Variants in PIGA observed in about 807,000 individuals in gnomAD.
The protein encoded by PIGA is phosphatidylinositol N-acetylglucosaminyltransferase subunit A.
PIGA carries 3 observed loss-of-function variants against 17.1 expected under a neutral mutation model. That is an observed-to-expected ratio of 0.18 (90% CI 0.08 to 0.45). The LOEUF (loss-of-function observed/expected upper bound fraction) is 0.45, where lower values mean the gene tolerates loss of function less well. PIGA is among the 20% of genes least tolerant of loss of function. PIGA has a pLI of 0.99. For missense variants in PIGA, 231 were observed against 374.1 expected (o/e 0.62, Z 3.16); for synonymous variants, 126 against 135.1 (o/e 0.93, Z 0.47).
chrX:15,320,195 A>T lies in PIGA; in HGVS notation c.*1311T>A, dbSNP rs1921758767. On this transcript the variant is annotated 3_prime_UTR_variant, in exon 6 of 6. Transcript: ENST00000333590. Reference sequence around the variant, plus strand: ...AAATTTTGTGAATGTTGTCATTTTTAAAAATCCTATACAGAATCACAACAC... The same window carrying T: ...AAATTTTGTGAATGTTGTCATTTTTTAAAATCCTATACAGAATCACAACAC... The T allele has an allele frequency of 8.9e-6, 1 of 112,848 alleles. No individual in the cohort carries two copies. The highest frequency in any genetic ancestry group is 1.9e-5 in the Non-Finnish European group (1 of 53,393). 9.3% of individuals were successfully genotyped at this position (112,848 alleles called of 1,213,427 possible).
chrX:15,331,081 T>C, intron 2 of PIGA, 135 bp downstream of exon 2: 1 of 465,022 alleles, frequency 2.2e-6, no homozygotes, highest in East Asian at 3.7e-5. Context: ...ATATTAGAAC[T>C]TTCTTTGCTA....
At chrX:15,334,441 C>T (rs774887892) in intron 1 of PIGA, among the ~76,000 whole-genome samples, 5 of 110,652 alleles carry the variant, frequency 4.5e-5, no homozygotes, top group African/African-American at 1.3e-4. Flanking sequence ...CCACCAGCCT[C>T]GGCCTCCCAA....
intron 2 of PIGA, 35 bp downstream of exon 2, chrX:15,331,181 A>T (rs760051182): frequency 2.9e-6 from 3 of 1,030,007 alleles, no homozygotes; most frequent in East Asian, 6.1e-5. Flanking sequence ...TAGGGAAAAA[A>T]GTCTACAATG....
Position 15,321,061 on chromosome X carries a change from G to A in PIGA, c.*445C>T, listed in dbSNP as rs1921794154. ...GACATGATTTAGATTCCTAATAAAT[G>A]TATATGAACATGATATAAAACAGTT... On this transcript the variant is annotated 3_prime_UTR_variant, in exon 6 of 6. Transcript: ENST00000333590. 8.6e-6 allele frequency: 1 copy of A among 116,861 alleles called. No individual in the cohort carries two copies. Among genetic ancestry groups the A allele is most frequent in the African/African-American group, 3.2e-5 (1 of 30,825 alleles). 9.6% of individuals were successfully genotyped at this position (116,861 alleles called of 1,213,427 possible).
intron 2 of PIGA, among the ~76,000 whole-genome samples, chrX:15,329,560 T>C (rs2147721886): frequency 9.0e-6 from 1 of 111,605 alleles, no homozygotes; most frequent in East Asian, 2.8e-4. Context: ...GGCAACTCAG[T>C]GTGTATTAAT....
At chrX:15,332,443 C>T (rs758087533) in intron 1 of PIGA, among the ~76,000 whole-genome samples, 2 of 112,431 alleles carry the variant, frequency 1.8e-5, no homozygotes, top group Non-Finnish European at 3.8e-5. Flanking sequence ...ATTGCAGCCT[C>T]ACCAAAACTC....
At chrX:15,333,404 G>A (rs1464779792) in intron 1 of PIGA, among the ~76,000 whole-genome samples, 1 of 111,986 alleles carries the variant, frequency 8.9e-6, no homozygotes, top group Non-Finnish European at 1.9e-5. Flanking sequence ...ATTTAGGCCG[G>A]GTGCGGTGGC....
chrX:15,332,887 C>A (rs1489539280), intron 1 of PIGA, among the ~76,000 whole-genome samples: 1 of 111,988 alleles, frequency 8.9e-6, no homozygotes, highest in Non-Finnish European at 1.9e-5. Context: ...ATGCAGCCTC[C>A]TAGTGACCAC....
In PIGA at chrX:15,319,736, G is replaced by A. The variant is rs868439892; in HGVS notation, c.*1770C>T. Reference sequence around the variant, plus strand: ...ATTTACTTCCATTTGTTAAAAAAAAGAAAAATAATAATTTGCAAATCACAT... The same window carrying A: ...ATTTACTTCCATTTGTTAAAAAAAAAAAAAATAATAATTTGCAAATCACAT... On this transcript the variant is annotated 3_prime_UTR_variant, in exon 6 of 6. Coordinates refer to ENST00000333590, the MANE Select transcript of PIGA (RefSeq NM_002641.4). 4 of 106,205 alleles carry A rather than the reference G, an allele frequency of 3.8e-5. No individual in the cohort carries two copies. The South Asian group carries it at 1.6e-3, about 43-fold the overall frequency. The allele number at this position is 106,205 out of a possible 1,213,427, so 8.8% of individuals were successfully genotyped here.
In PIGA at chrX:15,331,980, T is replaced by C. The variant is rs765183231; in HGVS notation, c.-50A>G. On this transcript the variant is annotated 5_prime_UTR_variant, in exon 2 of 6. Transcript: ENST00000333590. ...CTTAGAGCAACCCAGTTAAGAGATG[T>C]GTCCTCTATTACCTGAAAAAGAGTA... 4 of 1,135,074 alleles carry C rather than the reference T, an allele frequency of 3.5e-6. No homozygotes were observed. Among genetic ancestry groups the C allele is most frequent in the Non-Finnish European group, 3.5e-6 (3 of 856,691 alleles). 93.5% of individuals were successfully genotyped at this position (1,135,074 alleles called of 1,213,427 possible).
Position 15,321,543 on chromosome X carries a change from C to T in PIGA, c.1418G>A (p.Arg473Lys), listed in dbSNP as rs773189052. The T allele has an allele frequency of 8.3e-7, 1 of 1,204,959 alleles. No individual in the cohort carries two copies. The highest frequency in any genetic ancestry group is 1.1e-6 in the Non-Finnish European group (1 of 890,226). The change falls in exon 6 of 6, where the codon AGA becomes AAA. Residue 473 changes from arginine (R) to lysine (K), a missense_variant. Arg to Lys is a conservative substitution (Grantham distance 26). Transcript: ENST00000333590. ...AGATATCTCATTATTCTCACCCCCT[C>T]TTTTACTGTGAGAATAGTTATTAGT... is the stretch of plus-strand genomic sequence containing the variant. ...AWTNNYSHSK[R>K]GGENNEISET...
At chrX:15,324,119 CCCA>C (rs1921898443) in intron 5 of PIGA, among the ~76,000 whole-genome samples, 1 of 112,265 alleles carries the variant, frequency 8.9e-6, no homozygotes, top group South Asian at 3.6e-4. Context: ...TGTGATTTTT[CCCA>C]CGTTTGTCAC....
chrX:15,325,209 T>C (rs1921935882), intron 3 of PIGA, 57 bp from the exon 4 acceptor site: 1 of 1,059,503 alleles, frequency 9.4e-7, no homozygotes. Context: ...ACAAAAGAAA[T>C]TTAATTTATA....
At chrX:15,332,942 G>A (rs763192836) in intron 1 of PIGA, among the ~76,000 whole-genome samples, 2 of 112,025 alleles carry the variant, frequency 1.8e-5, no homozygotes, top group African/African-American at 3.3e-5. Flanking sequence ...GCTCACTGCA[G>A]TATCATGAAA....
intron 3 of PIGA, 176 bp from the exon 4 acceptor site, chrX:15,325,328 C>T: frequency 2.7e-6 from 1 of 365,879 alleles, no homozygotes; most frequent in Non-Finnish European, 4.6e-6. Flanking sequence ...CCTTATAAAG[C>T]AGTTGGGTTA....
upstream of PIGA, chrX:15,335,550 G>T (rs765282774): frequency 1.0e-5 from 10 of 959,174 alleles, no homozygotes; most frequent in Non-Finnish European, 5.2e-6. Flanking sequence ...GCTGCAGCCG[G>T]AGTCCCTCCC....
chrX:15,323,802 A>T (rs1012393232), intron 5 of PIGA, among the ~76,000 whole-genome samples: 4 of 111,856 alleles, frequency 3.6e-5, no homozygotes, highest in Non-Finnish European at 5.6e-5. Context: ...TCATTGCTCC[A>T]CTGAATATCA....
intron 1 of PIGA, 35 bp downstream of exon 1, chrX:15,335,466 G>C: frequency 6.1e-6 from 6 of 989,062 alleles, no homozygotes; most frequent in Non-Finnish European, 7.7e-6. Context: ...AAGCGGCCCA[G>C]AGCGCTGGAG....
chrX:15,331,972 A>G lies in PIGA; in HGVS notation c.-42T>C. ...CATCAGTTCTTAGAGCAACCCAGTT[A>G]AGAGATGTGTCCTCTATTACCTGAA... On this transcript the variant is annotated 5_prime_UTR_variant, in exon 2 of 6. The change abolishes the stop of an existing upstream ORF in the 5' untranslated region. Coordinates refer to ENST00000333590, the MANE Select transcript of PIGA (RefSeq NM_002641.4). 4.3e-6 allele frequency: 5 copies of G among 1,154,381 alleles called. No individual in the cohort carries two copies. Among genetic ancestry groups the G allele is most frequent in the Non-Finnish European group, 4.6e-6 (4 of 866,466 alleles).
Sources: allele counts gnomAD v4.1 joint callset (sites outside exome capture counted in the v4.1 genomes callset), GRCh38; gene constraint gnomAD v4.1.1; transcripts MANE v1.5; gene names NCBI Gene and HGNC (gene_info 2026-07-23, HGNC 2026-07-21).